The following MACF1 variants were observed in gnomAD, a reference collection of about 807,000 sequenced individuals.
MACF1 encodes the protein microtubule actin crosslinking factor 1, also known as microtubule-actin cross-linking factor 1.
A neutral mutation model predicts 854.8 loss-of-function variants in MACF1; 193 were observed. The observed-to-expected ratio is 0.23, with a 90% CI of 0.20 to 0.25. MACF1 has a LOEUF of 0.25. Ranked by LOEUF, MACF1 falls within the 10% of genes least tolerant of loss-of-function variation. The probability of loss-of-function intolerance (pLI) is 1.00; values close to 1 mark genes in which losing one functional copy is unlikely to be tolerated. For missense variants in MACF1, 7,722 were observed against 8,929.1 expected (o/e 0.86, Z 5.45); for synonymous variants, 3,185 against 3,226.7 (o/e 0.99, Z 0.44).
intron 26 of MACF1, among the ~76,000 whole-genome samples, chr1:39,312,684 G>A (rs1290833272): frequency 6.6e-6 from 1 of 152,132 alleles, no homozygotes; most frequent in Non-Finnish European, 1.5e-5. Context: ...AAGTAGCCAG[G>A]TGTGGTGGCA....
In MACF1 at chr1:39,455,028, C is replaced by T; in HGVS notation, c.21006C>T (p.Leu7002=). 1.2e-6 allele frequency: 2 copies of T among 1,614,108 alleles called. No homozygotes were observed. The highest frequency in any genetic ancestry group is 1.1e-5 in the South Asian group (1 of 91,076). The change falls in exon 89 of 101, where the codon CTC becomes CTT. Residue 7002 remains leucine (L), a synonymous_variant. Coordinates refer to ENST00000564288, the MANE Select transcript of MACF1 (RefSeq NM_001394062.1). ...GGATCCAGTGGGCTGAGACCACCCTCATTCAGCGGGATCAGGAGCCAATCC... is the reference window on the plus strand; with the variant it reads ...GGATCCAGTGGGCTGAGACCACCCTTATTCAGCGGGATCAGGAGCCAATCC... ...LAWIQWAETT[L]IQRDQEPIPQ... is the part of the protein sequence containing the mutation.
intron 2 of MACF1, among the ~76,000 whole-genome samples, chr1:39,108,828 C>T (rs1346737519): frequency 1.3e-5 from 2 of 152,144 alleles, no homozygotes; most frequent in East Asian, 3.8e-4. Context: ...ACTAAATAGT[C>T]TTTACTTGCT....
chr1:39,423,072 T>C (rs1317375704), intron 60 of MACF1, among the ~76,000 whole-genome samples, 172 bp downstream of exon 60: 1 of 152,228 alleles, frequency 6.6e-6, no homozygotes, highest in Non-Finnish European at 1.5e-5. Flanking sequence ...TTAAATCTGG[T>C]TTACTGTGGC....
In MACF1 at chr1:39,099,723, A is replaced by T. The variant is rs925275330; in HGVS notation, c.220+15285A>T. Among the ~76,000 whole-genome samples, 9 of 152,294 alleles carry T rather than the reference A, an allele frequency of 5.9e-5. No individual in the cohort carries two copies. In the South Asian group the frequency reaches 1.2e-3, roughly 21 times the overall value. On this transcript the variant is annotated intron_variant, in intron 2 of 93. Transcript: ENST00000361689. ...CCCATAACAGTTCAATGAGGCATCC[A>T]TTCCTTCAGCAAATATTTATTGAAC...
intron 58 of MACF1, chr1:39,413,650 G>T: frequency 6.3e-7 from 1 of 1,579,008 alleles, no homozygotes; most frequent in Non-Finnish European, 8.6e-7. Flanking sequence ...CACCCCAGAG[G>T]AGCCCGCCTC....
intron 85 of MACF1, 78 bp downstream of exon 85, chr1:39,451,289 T>G (rs1453963678): frequency 2.9e-6 from 4 of 1,379,588 alleles, no homozygotes; most frequent in Non-Finnish European, 3.9e-6. Flanking sequence ...TACATATGAC[T>G]GCCTCTGCCC....
At chr1:39,244,913 G>C (rs1644965632) in intron 2 of MACF1, among the ~76,000 whole-genome samples, 1 of 152,132 alleles carries the variant, frequency 6.6e-6, no homozygotes, top group South Asian at 2.1e-4. Flanking sequence ...GGGTTTTGCT[G>C]TGTTGGTCAG....
At chr1:39,285,840 A>G in intron 14 of MACF1, 82 bp downstream of exon 14, 1 of 1,494,960 alleles carries the variant, frequency 6.7e-7, no homozygotes, top group Non-Finnish European at 9.2e-7. Context: ...AGAGTCAGGC[A>G]CTTAATCTTT....
At chr1:39,359,027 A>G in intron 46 of MACF1, 114 bp from the exon 47 acceptor site, 1 of 1,435,748 alleles carries the variant, frequency 7.0e-7, no homozygotes, top group Non-Finnish European at 9.5e-7. Context: ...TCTAATATTT[A>G]TGGCTATGGT....
chr1:39,435,342 C>T lies in MACF1; in HGVS notation c.17785-216C>T, dbSNP rs568050261. ...CAGGAAGGCTGCTAGGGTGATGAGA[C>T]ATCAGAACTGACTTTCAAAAATTAA... On this transcript the variant is annotated intron_variant, in intron 69 of 100. Transcript: ENST00000564288. Among the ~76,000 whole-genome samples the T allele has an allele frequency of 5.9e-5, 9 of 152,258 alleles. No individual in the cohort carries two copies. In the South Asian group the frequency reaches 1.7e-3, roughly 28 times the overall value.
At chr1:39,275,180 G>A (rs1157634934) in intron 6 of MACF1, among the ~76,000 whole-genome samples, 1 of 150,726 alleles carries the variant, frequency 6.6e-6, no homozygotes, top group Non-Finnish European at 1.5e-5. Context: ...CCAGGTTCAC[G>A]CCATTCTCCC....
chr1:39,211,564 G>A (rs1418350688), intron 1 of MACF1, among the ~76,000 whole-genome samples: 4 of 152,006 alleles, frequency 2.6e-5, no homozygotes, highest in Admixed American at 1.3e-4. Flanking sequence ...ACCGGCACCC[G>A]GCCTGTCTTT....
intron 57 of MACF1, 80 bp downstream of exon 57, chr1:39,386,009 A>C: frequency 7.0e-7 from 1 of 1,436,908 alleles, no homozygotes; most frequent in South Asian, 1.4e-5. Context: ...TAGTCCCAAG[A>C]TTCTAGGATT....
intron 2 of MACF1, among the ~76,000 whole-genome samples, chr1:39,171,816 C>T (rs1336591731): frequency 6.6e-6 from 1 of 151,516 alleles, no homozygotes; most frequent in East Asian, 1.9e-4. Flanking sequence ...TTAGTAGAGA[C>T]GGGGTTTCAC....
intron 15 of MACF1, among the ~76,000 whole-genome samples, chr1:39,291,140 C>A (rs1378551225): frequency 2.7e-5 from 4 of 148,466 alleles, no homozygotes; most frequent in Admixed American, 2.0e-4. Flanking sequence ...CCATGCCTGG[C>A]TGATTTTTGT....
At chr1:39,346,620 C>T (rs1034008095) in intron 40 of MACF1, among the ~76,000 whole-genome samples, 8 of 150,610 alleles carry the variant, frequency 5.3e-5, no homozygotes, top group South Asian at 2.1e-4. Flanking sequence ...CCCGGGTTCA[C>T]GCCATTCTCC....
Position 39,336,455 on chromosome 1 carries a change from T to C in MACF1, c.9867T>C (p.Asn3289=), listed in dbSNP as rs900756951. The change falls in exon 37 of 101, where the codon AAT becomes AAC. Residue 3289 remains asparagine (N), a synonymous_variant. Transcript: ENST00000564288. ...VSQKENTGQQ[N]AIISPTVLET... is the part of the protein sequence containing the mutation. ...AAAAAGAGAATACAGGGCAACAGAA[T>C]GCCATCATTAGTCCTACTGTTCTAG... The C allele has an allele frequency of 3.7e-6, 6 of 1,614,042 alleles. No homozygotes were observed. The Admixed American group carries it at 8.3e-5, about 22-fold the overall frequency.
intron 2 of MACF1, among the ~76,000 whole-genome samples, chr1:39,108,817 G>A (rs572372695): frequency 2.0e-5 from 3 of 152,298 alleles, no homozygotes; most frequent in African/African-American, 7.2e-5. Flanking sequence ...AAGCTTTAAG[G>A]ACTAAATAGT....
chr1:39,258,165 G>T, intron 6 of MACF1, 137 bp downstream of exon 6: 1 of 738,442 alleles, frequency 1.4e-6, no homozygotes, highest in East Asian at 2.6e-5. Flanking sequence ...AGTTGGAAAG[G>T]AAAATTAAGA....
Sources: allele counts gnomAD v4.1 joint callset (sites outside exome capture counted in the v4.1 genomes callset), GRCh38; gene constraint gnomAD v4.1.1; transcripts MANE v1.5; gene names NCBI Gene and HGNC (gene_info 2026-07-23, HGNC 2026-07-21).